The following CNTN4 variants were observed in gnomAD, a reference collection of about 807,000 sequenced individuals.
CNTN4 encodes the protein contactin-4.
CNTN4 carries 77 observed loss-of-function variants against 122.5 expected under a neutral mutation model. That is an observed-to-expected ratio of 0.63 (90% CI 0.52 to 0.76). CNTN4 has a LOEUF of 0.76. Ranked by LOEUF, CNTN4 falls within the 30% of genes least tolerant of loss-of-function variation. CNTN4 has a pLI of 0.00. For missense variants in CNTN4, 1,256 were observed against 1,259.1 expected (o/e 1.00, Z 0.04); for synonymous variants, 512 against 447.0 (o/e 1.15, Z -1.83).
chr3:2,670,205 C>T (rs2084421182), intron 4 of CNTN4, among the ~76,000 whole-genome samples: 1 of 152,120 alleles, frequency 6.6e-6, no homozygotes, highest in South Asian at 2.1e-4. Flanking sequence ...TGAAATCTCC[C>T]ATTATTATTG....
intron 2 of CNTN4, among the ~76,000 whole-genome samples, chr3:2,224,848 T>C (rs2039207470): frequency 1.3e-5 from 2 of 152,176 alleles, no homozygotes; most frequent in South Asian, 4.1e-4. Flanking sequence ...CATAAAATGA[T>C]ATTAGAAGTA....
intron 3 of CNTN4, among the ~76,000 whole-genome samples, chr3:2,544,019 G>A (rs149706230): frequency 6.6e-6 from 1 of 152,182 alleles, no homozygotes; most frequent in Non-Finnish European, 1.5e-5. Context: ...GAACACACAA[G>A]AGAATCCTTA....
intron 14 of CNTN4, among the ~76,000 whole-genome samples, chr3:3,020,426 G>T (rs922265325): frequency 6.6e-6 from 1 of 152,206 alleles, no homozygotes; most frequent in Non-Finnish European, 1.5e-5. Flanking sequence ...AGTTAATTCC[G>T]ATGAGCTTCA....
intron 4 of CNTN4, among the ~76,000 whole-genome samples, chr3:2,659,025 T>A (rs2083742662): frequency 6.6e-6 from 1 of 150,782 alleles, no homozygotes; most frequent in Non-Finnish European, 1.5e-5. Flanking sequence ...TAACCTAATA[T>A]TTCAGGTCTC....
intron 3 of CNTN4, among the ~76,000 whole-genome samples, chr3:2,458,230 A>G (rs1300150395): frequency 1.3e-5 from 2 of 152,172 alleles, no homozygotes; most frequent in Admixed American, 1.3e-4. Context: ...GCTACAATGA[A>G]TTAAACCAAA....
intron 2 of CNTN4, among the ~76,000 whole-genome samples, chr3:2,207,932 A>T (rs993250091): frequency 6.6e-6 from 1 of 152,070 alleles, no homozygotes; most frequent in Admixed American, 6.6e-5. Flanking sequence ...CATTCTAAAA[A>T]TCCTAGGAAT....
chr3:2,565,681 T>A (rs770461603), intron 3 of CNTN4, among the ~76,000 whole-genome samples: 3 of 152,192 alleles, frequency 2.0e-5, no homozygotes, highest in Non-Finnish European at 2.9e-5. Context: ...TCAACAAATA[T>A]CTATTGACTG....
At chr3:2,632,085 C>CACAT (rs1553597783) in intron 4 of CNTN4, among the ~76,000 whole-genome samples, 1 of 150,140 alleles carries the variant, frequency 6.7e-6, no homozygotes, top group East Asian at 2.0e-4. Flanking sequence ...CACACACACA[C>CACAT]GTGTGTGTAT....
intron 3 of CNTN4, among the ~76,000 whole-genome samples, chr3:2,438,674 A>G (rs2048334121): frequency 6.6e-6 from 1 of 152,224 alleles, no homozygotes; most frequent in Admixed American, 6.5e-5. Context: ...GTCATGACTC[A>G]GTACAGTTAA....
At chr3:2,169,256 G>A (rs2036334216) in intron 2 of CNTN4, among the ~76,000 whole-genome samples, 1 of 152,152 alleles carries the variant, frequency 6.6e-6, no homozygotes, top group South Asian at 2.1e-4. Flanking sequence ...AATGCAAGAA[G>A]AGTTCAGTAT....
chr3:2,529,481 G>A (rs2077517926), intron 3 of CNTN4, among the ~76,000 whole-genome samples: 1 of 152,028 alleles, frequency 6.6e-6, no homozygotes, highest in African/African-American at 2.4e-5. Context: ...TCATGGTATT[G>A]CTAGATAATG....
At position 2,847,140 on chromosome 3, in the gene CNTN4, T is replaced by C. The variant is rs1325126461; in HGVS notation, c.455-19612T>C. On this transcript the variant is annotated intron_variant, in intron 7 of 24. Transcript: ENST00000418658. Reference sequence around the variant, plus strand: ...CTTACTTTGTTCAGCTTTTTGTCATTATCAGGAGAGAAAAGGCAAATGTTG... The same window carrying C: ...CTTACTTTGTTCAGCTTTTTGTCATCATCAGGAGAGAAAAGGCAAATGTTG... Among the ~76,000 whole-genome samples the C allele has an allele frequency of 2.7e-5, 4 of 150,736 alleles. No individual in the cohort carries two copies. The East Asian group carries it at 5.8e-4, about 22-fold the overall frequency.
intron 13 of CNTN4, among the ~76,000 whole-genome samples, chr3:2,982,378 T>G (rs762015298): frequency 2.6e-5 from 4 of 152,164 alleles, no homozygotes; most frequent in Non-Finnish European, 5.9e-5. Context: ...AAAACTCAAT[T>G]TCTAACATCT....
At chr3:2,533,481 G>T (rs4685526) in intron 3 of CNTN4, among the ~76,000 whole-genome samples, 1 of 121,352 alleles carries the variant, frequency 8.2e-6, no homozygotes, top group East Asian at 2.6e-4. Context: ...TTTTATGGCT[G>T]CATAGTATTC....
At chr3:2,684,492 TA>T (rs1189581387) in intron 4 of CNTN4, among the ~76,000 whole-genome samples, 1 of 152,164 alleles carries the variant, frequency 6.6e-6, no homozygotes, top group Non-Finnish European at 1.5e-5. Context: ...TGTTTCTCTT[TA>T]AGTGTGGCCT....
At chr3:2,319,784 G>A (rs1006860656) in intron 2 of CNTN4, among the ~76,000 whole-genome samples, 2 of 152,078 alleles carry the variant, frequency 1.3e-5, no homozygotes, top group Admixed American at 6.6e-5. Flanking sequence ...ACTTCATGGG[G>A]GTTGGTACCC....
At chr3:2,240,053 A>C (rs1559370521) in intron 2 of CNTN4, among the ~76,000 whole-genome samples, 1 of 152,188 alleles carries the variant, frequency 6.6e-6, no homozygotes, top group East Asian at 1.9e-4. Context: ...CTGGATTTGA[A>C]TAATTCACTT....
intron 3 of CNTN4, among the ~76,000 whole-genome samples, chr3:2,410,003 G>A (rs1056848650): frequency 1.3e-5 from 2 of 152,038 alleles, no homozygotes; most frequent in Admixed American, 6.6e-5. Context: ...TCAGTTTGGG[G>A]GAATGTTAAT....
chr3:2,588,565 C>A (rs1314457010), intron 4 of CNTN4, among the ~76,000 whole-genome samples: 1 of 151,864 alleles, frequency 6.6e-6, no homozygotes, highest in Non-Finnish European at 1.5e-5. Flanking sequence ...CGGGGTTTTA[C>A]TATGTTGGCC....
Sources: gnomAD v4.1 joint callset for allele counts (sites outside exome capture counted in the v4.1 genomes callset) on GRCh38, gnomAD v4.1.1 for gene constraint, MANE v1.5 for transcripts, NCBI Gene and HGNC (gene_info 2026-07-23, HGNC 2026-07-21) for gene names.